C17orf75: variants seen among roughly 807,000 people sequenced by gnomAD.
C17orf75 encodes the protein chromosome 17 open reading frame 75, also known as protein Njmu-R1.
A neutral mutation model predicts 49.6 loss-of-function variants in C17orf75; 32 were observed. The ratio of observed to expected loss-of-function variants is 0.65; its 90% CI spans 0.49 to 0.87. The LOEUF (loss-of-function observed/expected upper bound fraction) is 0.87, where lower values mean the gene tolerates loss of function less well. Among genes scored for constraint, C17orf75 ranks in the 40% least tolerant of loss-of-function variants. The pLI is 0.00. For missense variants in C17orf75, 428 were observed against 473.9 expected (o/e 0.90, Z 0.90); for synonymous variants, 158 against 159.5 (o/e 0.99, Z 0.07).
chr17:32,348,158 C>T (rs2041440213), intron 1 of C17orf75, among the ~76,000 whole-genome samples: 1 of 151,966 alleles, frequency 6.6e-6, no homozygotes, highest in Non-Finnish European at 1.5e-5. Context: ...GCTGGGATTA[C>T]AGGCGTGCCC....
At chr17:32,338,442 C>G (rs1322321902) in intron 3 of C17orf75, 91 bp from the exon 4 acceptor site, 3 of 1,278,552 alleles carry the variant, frequency 2.3e-6, no homozygotes, top group Non-Finnish European at 3.2e-6. Flanking sequence ...TCATCTTGAT[C>G]TGGCAACACC....
intron 5 of C17orf75, among the ~76,000 whole-genome samples, chr17:32,335,687 G>A (rs2041318201): frequency 6.6e-6 from 1 of 152,146 alleles, no homozygotes; most frequent in East Asian, 1.9e-4. Flanking sequence ...ATAAAATGAA[G>A]AGACTGAATA....
chr17:32,337,778 C>G, intron 5 of C17orf75, 119 bp downstream of exon 5: 1 of 764,562 alleles, frequency 1.3e-6, no homozygotes, highest in Non-Finnish European at 2.1e-6. Flanking sequence ...ATTGACCAGG[C>G]TGGTCTCTGA....
At chr17:32,339,117 G>A (rs1425881488) in intron 3 of C17orf75, among the ~76,000 whole-genome samples, 3 of 151,512 alleles carry the variant, frequency 2.0e-5, no homozygotes, top group African/African-American at 7.3e-5. Context: ...AACAAAAAAG[G>A]AGAGGTGTAA....
At position 32,342,168 on chromosome 17, in the gene C17orf75, T is replaced by C; in HGVS notation, c.-29A>G. ...GGCGGCCTCTGAGCGGCCCTGTGTC[T>C]CCGCCAAACCGCTCCCCTGCTCCCG... On this transcript the variant is annotated 5_prime_UTR_variant, in exon 1 of 10. Coordinates refer to ENST00000577809, the MANE Select transcript of C17orf75 (RefSeq NM_022344.4). The C allele has an allele frequency of 1.9e-6, 3 of 1,540,692 alleles. No individual in the cohort carries two copies. Among genetic ancestry groups the C allele is most frequent in the Non-Finnish European group, 2.6e-6 (3 of 1,143,166 alleles).
intron 6 of C17orf75, 34 bp downstream of exon 6, chr17:32,335,289 A>G (rs1261946462): frequency 6.8e-6 from 11 of 1,609,332 alleles, no homozygotes; most frequent in African/African-American, 1.3e-5. Context: ...AGTGATTCTC[A>G]GTTAAGGAAA....
intron 1 of C17orf75, 85 bp downstream of exon 1, chr17:32,341,915 G>A (rs2041383897): frequency 1.8e-6 from 2 of 1,134,946 alleles, no homozygotes; most frequent in Non-Finnish European, 2.2e-6. Context: ...CCGCTGGGCC[G>A]GGGGTGGGGT....
chr17:32,347,688 C>A (rs1300570901), intron 1 of C17orf75, among the ~76,000 whole-genome samples: 1 of 152,104 alleles, frequency 6.6e-6, no homozygotes, highest in Non-Finnish European at 1.5e-5. Flanking sequence ...TTGGTTGAGG[C>A]AAGAGAGAGT....
chr17:32,340,668 G>T (rs2041370700), intron 2 of C17orf75, among the ~76,000 whole-genome samples: 1 of 151,716 alleles, frequency 6.6e-6, no homozygotes, highest in African/African-American at 2.4e-5. Flanking sequence ...AATTTTTCAG[G>T]GCTGGGCAAG....
rs745786199 is a variant in C17orf75, at chr17:32,333,445, C to A, written c.947G>T (p.Arg316Leu). 1 of 1,612,762 alleles carries A rather than the reference C, an allele frequency of 6.2e-7. No homozygotes were observed. Among genetic ancestry groups the A allele is most frequent in the African/African-American group, 1.3e-5 (1 of 74,944 alleles). The stretch of plus-strand genomic sequence containing the variant: ...TAGTTTAAAGTTCTCCAGTACTTGT[C>A]GGAAAAGAAAAGGGTTACCTCCTTT... ...GAKGGNPFLFRQVLENFKLKA... is the reference protein window; with the variant it reads ...GAKGGNPFLFLQVLENFKLKA... Residue 316 changes from arginine to leucine, a missense_variant, in exon 9 of 10, where the codon CGA (arginine) becomes CTA (leucine). Transcript: ENST00000577809.
upstream of C17orf75, among the ~76,000 whole-genome samples, chr17:32,345,522 C>G (rs915726700): frequency 6.7e-6 from 1 of 150,056 alleles, no homozygotes; most frequent in African/African-American, 2.5e-5. Flanking sequence ...GATTGGACAT[C>G]GAATTCTAGG....
At chr17:32,334,448 G>T in intron 8 of C17orf75, 21 bp downstream of exon 8, 1 of 1,606,232 alleles carries the variant, frequency 6.2e-7, no homozygotes. Context: ...TAGGAAGGCT[G>T]CTTCAGAGGT....
At chr17:32,338,182 G>A (rs2041344000) in intron 4 of C17orf75, 26 bp downstream of exon 4, 4 of 1,602,004 alleles carry the variant, frequency 2.5e-6, no homozygotes, top group East Asian at 2.2e-5. Context: ...CCTTCCTGAT[G>A]TTCTCAAAAA....
chr17:32,341,919 G>T (rs1221788823), intron 1 of C17orf75, 81 bp downstream of exon 1: 1 of 1,146,970 alleles, frequency 8.7e-7, no homozygotes, highest in Non-Finnish European at 1.1e-6. Flanking sequence ...TGGGCCGGGG[G>T]TGGGGTGCAA....
chr17:32,349,847 T>C, intron 1 of C17orf75: 1 of 878,558 alleles, frequency 1.1e-6, no homozygotes, highest in South Asian at 4.6e-5. Context: ...AATTGGGCGC[T>C]GTCTCTATCT....
upstream of C17orf75, among the ~76,000 whole-genome samples, chr17:32,345,473 C>G (rs1305588754): frequency 6.6e-6 from 1 of 151,926 alleles, no homozygotes; most frequent in Non-Finnish European, 1.5e-5. Flanking sequence ...AAGACTCCAT[C>G]TCAGGGGGGA....
chr17:32,330,127 G>C lies in C17orf75; in HGVS notation c.*1636C>G, dbSNP rs1361653482. The C allele has an allele frequency of 6.6e-6, 1 of 152,236 alleles. No individual in the cohort carries two copies. The highest frequency in any genetic ancestry group is 2.4e-5 in the African/African-American group (1 of 41,440). 9.4% of individuals were successfully genotyped at this position (152,236 alleles called of 1,614,324 possible). A position where few individuals can be genotyped will look rare whatever the true frequency, so the allele number is the denominator to read the frequency against. Reference sequence around the variant, plus strand: ...CAAAGTGCTGGGATTACAGGCATGAGCCATCGTGCCCAGCCACTCTCACTT... The same window carrying C: ...CAAAGTGCTGGGATTACAGGCATGACCCATCGTGCCCAGCCACTCTCACTT... On this transcript the variant is annotated 3_prime_UTR_variant, in exon 10 of 10. Coordinates refer to ENST00000577809, the MANE Select transcript of C17orf75 (RefSeq NM_022344.4).
rs1016625909 is a variant in C17orf75 at position 32,341,431 on chromosome 17, C to T, written c.141-147G>A. On this transcript the variant is annotated intron_variant, in intron 1 of 9. Transcript: ENST00000577809. Reference sequence around the variant, plus strand: ...TGCCTATCCTCATGACAAGGAAAACCCATACAGCAGTGCTGACAAGAGCCC... The same window carrying T: ...TGCCTATCCTCATGACAAGGAAAACTCATACAGCAGTGCTGACAAGAGCCC... 2.1e-5 allele frequency: 17 copies of T among 796,194 alleles called. No homozygotes were observed. In the African/African-American group the frequency reaches 2.6e-4, roughly 12 times the overall value. 49.3% of individuals were successfully genotyped at this position (796,194 alleles called of 1,614,324 possible). A position where few individuals can be genotyped will look rare whatever the true frequency, so the allele number is the denominator to read the frequency against.
chr17:32,338,717 G>A (rs2150777382), intron 3 of C17orf75, among the ~76,000 whole-genome samples: 1 of 152,214 alleles, frequency 6.6e-6, no homozygotes, highest in South Asian at 2.1e-4. Context: ...GCCTGAAGGT[G>A]GCCTTATCCT....
Sources: allele counts gnomAD v4.1 joint callset (sites outside exome capture counted in the v4.1 genomes callset), GRCh38; gene constraint gnomAD v4.1.1; transcripts MANE v1.5; gene names NCBI Gene and HGNC (gene_info 2026-07-23, HGNC 2026-07-21).